ADGRL2: variants seen among roughly 807,000 people sequenced by gnomAD.
ADGRL2 encodes the protein adhesion G protein-coupled receptor L2, also known as calcium-independent alpha-latrotoxin receptor 2.
In ADGRL2, 44 loss-of-function variants were observed where a neutral mutation model predicts 157.4. The observed-to-expected ratio is 0.28, with a 90% CI of 0.22 to 0.36. The LOEUF (loss-of-function observed/expected upper bound fraction) is 0.36. ADGRL2 is among the 10% of genes least tolerant of loss of function. ADGRL2 has a pLI of 1.00. For synonymous variants in ADGRL2, 585 were observed against 624.7 expected (o/e 0.94, Z 0.95); for missense variants, 1,510 against 1,768.9 (o/e 0.85, Z 2.63).
At chr1:81,520,528 A>T (rs2079288765) in intron 2 of ADGRL2, among the ~76,000 whole-genome samples, 1 of 152,146 alleles carries the variant, frequency 6.6e-6, no homozygotes, top group Non-Finnish European at 1.5e-5. Context: ...AAGGGAGATG[A>T]TTGGATCATG....
intron 3 of ADGRL2, among the ~76,000 whole-genome samples, chr1:81,909,969 G>T (rs1184358009): frequency 1.3e-5 from 2 of 152,118 alleles, no homozygotes; most frequent in Non-Finnish European, 2.9e-5. Flanking sequence ...GCCAGGTGCA[G>T]TGGCTCACGT....
intron 3 of ADGRL2, among the ~76,000 whole-genome samples, chr1:81,612,044 T>G (rs2081552500): frequency 6.6e-6 from 1 of 152,206 alleles, no homozygotes. Flanking sequence ...TACCAAATTA[T>G]GAGTCAATTA....
intron 2 of ADGRL2, among the ~76,000 whole-genome samples, chr1:81,454,195 T>A (rs565088686): frequency 6.6e-6 from 1 of 152,160 alleles, no homozygotes; most frequent in Non-Finnish European, 1.5e-5. Context: ...TCTTCTTCCT[T>A]TTTTAATGCA....
Position 81,443,381 on chromosome 1 carries a change from G to A in ADGRL2, c.-301-1655G>A, listed in dbSNP as rs185127157. Among the ~76,000 whole-genome samples the A allele has an allele frequency of 1.6e-4, 24 of 151,202 alleles. 1 individual carries two copies. The highest frequency in any genetic ancestry group is 1.1e-3 in the Admixed American group (16 of 15,186). On this transcript the variant is annotated intron_variant, in intron 1 of 24. Transcript: ENST00000370721. Reference sequence around the variant, plus strand: ...AGGTTGCAACCCAGGAGGCAGAGGTGAGCCAAGATCACACCATTACAATCC... The same window carrying A: ...AGGTTGCAACCCAGGAGGCAGAGGTAAGCCAAGATCACACCATTACAATCC...
chr1:81,939,111 A>G (rs1334537270), intron 4 of ADGRL2, among the ~76,000 whole-genome samples: 2 of 151,628 alleles, frequency 1.3e-5, no homozygotes, highest in Non-Finnish European at 3.0e-5. Flanking sequence ...TTATAAAGCA[A>G]TTTAAGAAGG....
chr1:81,488,249 A>G (rs2078551868), intron 2 of ADGRL2, among the ~76,000 whole-genome samples: 1 of 152,214 alleles, frequency 6.6e-6, no homozygotes, highest in African/African-American at 2.4e-5. Context: ...AAGTCCTGAA[A>G]AGACCTTAAA....
At chr1:81,643,875 G>T (rs2082266988) in intron 3 of ADGRL2, among the ~76,000 whole-genome samples, 1 of 152,094 alleles carries the variant, frequency 6.6e-6, no homozygotes, top group South Asian at 2.1e-4. Context: ...AATAATTCTG[G>T]CAAATTATTT....
At chr1:81,354,934 T>C (rs1663171607) in intron 1 of ADGRL2, among the ~76,000 whole-genome samples, 1 of 152,142 alleles carries the variant, frequency 6.6e-6, no homozygotes, top group Admixed American at 6.5e-5. Context: ...GCCCTTCATC[T>C]TTTCCAGACA....
chr1:81,583,458 G>C (rs1165284470), intron 3 of ADGRL2, among the ~76,000 whole-genome samples: 2 of 151,874 alleles, frequency 1.3e-5, no homozygotes, highest in Non-Finnish European at 2.9e-5. Flanking sequence ...TCCCTAGAAG[G>C]TTCACTCTTT....
At chr1:81,390,424 T>C (rs559059856) in intron 1 of ADGRL2, among the ~76,000 whole-genome samples, 688 of 151,986 alleles carry the variant, frequency 4.5e-3, no homozygotes, top group African/African-American at 0.016. Context: ...GTATAACATA[T>C]TGGTATTAAG....
At chr1:81,646,464 CAAAT>C (rs2082317367) in intron 3 of ADGRL2, among the ~76,000 whole-genome samples, 2 of 152,130 alleles carry the variant, frequency 1.3e-5, no homozygotes, top group Non-Finnish European at 2.9e-5. Context: ...AATTGCTTCT[CAAAT>C]AATCTCAATA....
chr1:81,652,741 A>G (rs546198521), intron 3 of ADGRL2, among the ~76,000 whole-genome samples: 52 of 152,324 alleles, frequency 3.4e-4, no homozygotes, highest in African/African-American at 1.2e-3. Flanking sequence ...ATGATAGTAT[A>G]CTATTGACAT....
intron 2 of ADGRL2, among the ~76,000 whole-genome samples, chr1:81,766,805 G>C (rs1356451856): frequency 7.2e-6 from 1 of 139,668 alleles, no homozygotes; most frequent in Non-Finnish European, 1.5e-5. Context: ...ACTCCAGCCT[G>C]GGCAACAAGA....
At chr1:81,535,446 G>A (rs1345318988) in intron 2 of ADGRL2, among the ~76,000 whole-genome samples, 1 of 151,860 alleles carries the variant, frequency 6.6e-6, no homozygotes, top group Non-Finnish European at 1.5e-5. Context: ...TGAGTGTGCC[G>A]ACATTCCTTT....
intron 2 of ADGRL2, among the ~76,000 whole-genome samples, chr1:81,893,946 C>T (rs2094325918): frequency 6.6e-6 from 1 of 152,116 alleles, no homozygotes; most frequent in Non-Finnish European, 1.5e-5. Context: ...AAACCAACCA[C>T]GAAATCAAAG....
chr1:81,532,965 T>TATC (rs1237173945), intron 2 of ADGRL2, among the ~76,000 whole-genome samples: 108 of 150,178 alleles, frequency 7.2e-4, no homozygotes, highest in African/African-American at 2.5e-3. Flanking sequence ...TCTATCTATC[T>TATC]ATCTATCATC....
intron 2 of ADGRL2, among the ~76,000 whole-genome samples, chr1:81,764,386 T>G (rs2086035304): frequency 6.6e-6 from 1 of 152,094 alleles, no homozygotes; most frequent in South Asian, 2.1e-4. Flanking sequence ...TGTATAAATT[T>G]TAGTTATATC....
intron 1 of ADGRL2, among the ~76,000 whole-genome samples, chr1:81,400,755 C>T (rs1329354858): frequency 2.0e-5 from 3 of 152,196 alleles, no homozygotes; most frequent in East Asian, 3.9e-4. Flanking sequence ...GGGAGCACCA[C>T]AGCAATGACT....
intron 2 of ADGRL2, among the ~76,000 whole-genome samples, chr1:81,447,560 A>C (rs1284773016): frequency 1.3e-5 from 2 of 152,210 alleles, no homozygotes; most frequent in Non-Finnish European, 2.9e-5. Flanking sequence ...TCTAGTCCCA[A>C]ATCTGCATGT....
Sources: allele counts gnomAD v4.1 joint callset (sites outside exome capture counted in the v4.1 genomes callset), GRCh38; gene constraint gnomAD v4.1.1; transcripts MANE v1.5; gene names NCBI Gene and HGNC (gene_info 2026-07-23, HGNC 2026-07-21).